The following UGT2A1 variants were observed in gnomAD, a reference collection of about 807,000 sequenced individuals.
The protein encoded by UGT2A1 is UDP glucuronosyltransferase family 2 member A1 complex locus.
In UGT2A1, 61 loss-of-function variants were observed where a neutral mutation model predicts 45.4. The observed-to-expected ratio is 1.34, with a 90% CI of 1.09 to 1.66. The LOEUF (loss-of-function observed/expected upper bound fraction) is 1.66. UGT2A1 is among the 40% of genes most tolerant of loss of function. The pLI, the probability that UGT2A1 is intolerant of heterozygous loss-of-function variation, is 0.00. For missense variants in UGT2A1, 649 were observed against 574.3 expected (o/e 1.13, Z -1.33); for synonymous variants, 229 against 196.2 (o/e 1.17, Z -1.40).
chr4:69,636,239 T>G (rs534648538), intron 2 of UGT2A1, among the ~76,000 whole-genome samples: 1 of 152,248 alleles, frequency 6.6e-6, no homozygotes, highest in South Asian at 2.1e-4. Flanking sequence ...CCACAAAAAT[T>G]TGACATGTTG....
chr4:69,640,401 C>T (rs1054519521), intron 2 of UGT2A1, among the ~76,000 whole-genome samples: 4 of 151,812 alleles, frequency 2.6e-5, no homozygotes, highest in African/African-American at 4.8e-5. Context: ...GTAATGTTAG[C>T]GGTTTAATAA....
At position 69,642,134 on chromosome 4, in the gene UGT2A1, C is replaced by T. The variant is rs567137108; in HGVS notation, c.715+4796G>A. ...AATTATTTATTTTAAGAAATATATG[C>T]ATATAAAACTCAAGATTATATCCAC... On this transcript the variant is annotated intron_variant, in intron 2 of 6. Transcript: ENST00000286604. Among the ~76,000 whole-genome samples the T allele has an allele frequency of 4.6e-5, 7 of 151,838 alleles. No homozygotes were observed. The South Asian group carries it at 1.5e-3, about 32-fold the overall frequency.
At chr4:69,601,633 A>G (rs1189636556) in intron 3 of UGT2A1, among the ~76,000 whole-genome samples, 3 of 152,094 alleles carry the variant, frequency 2.0e-5, no homozygotes, top group Admixed American at 6.6e-5. Flanking sequence ...CCAGTACGTT[A>G]CTACCACAGC....
intron 3 of UGT2A1, among the ~76,000 whole-genome samples, chr4:69,602,321 A>G (rs1300276347): frequency 7.3e-6 from 1 of 137,520 alleles, no homozygotes; most frequent in Non-Finnish European, 1.6e-5. Context: ...ATCAAATGTA[A>G]CCTTTATGTT....
chr4:69,639,333 C>T, intron 2 of UGT2A1: 1 of 1,613,630 alleles, frequency 6.2e-7, no homozygotes. Context: ...ATGGTCAATC[C>T]ACAGCATTAT....
At chr4:69,652,809 A>T (rs988953680) in intron 1 of UGT2A1, among the ~76,000 whole-genome samples, 1 of 152,132 alleles carries the variant, frequency 6.6e-6, no homozygotes, top group Admixed American at 6.6e-5. Flanking sequence ...TCTTCACCAT[A>T]TATCAGTATA....
At chr4:69,652,285 T>C (rs1722563320) in intron 1 of UGT2A1, among the ~76,000 whole-genome samples, 1 of 149,274 alleles carries the variant, frequency 6.7e-6, no homozygotes. Context: ...TTATGTCCTT[T>C]TTTTTTTTTT....
intron 6 of UGT2A1, 144 bp downstream of exon 6, chr4:69,594,333 T>A (rs975996592): frequency 7.0e-6 from 8 of 1,142,422 alleles, no homozygotes; most frequent in African/African-American, 1.6e-5. Context: ...CTTTAGCAGT[T>A]TGGCAAATAA....
At chr4:69,634,117 C>A (rs1397681597) in intron 3 of UGT2A1, among the ~76,000 whole-genome samples, 4 of 151,890 alleles carry the variant, frequency 2.6e-5, no homozygotes, top group Non-Finnish European at 5.9e-5. Context: ...TGGTGACCGG[C>A]GCCTGTAGTC....
intron 3 of UGT2A1, among the ~76,000 whole-genome samples, chr4:69,610,246 C>CAAA (rs4148316): frequency 6.6e-6 from 1 of 151,172 alleles, no homozygotes; most frequent in African/African-American, 2.4e-5. Context: ...TCTGCCATTA[C>CAAA]AAAAAAAAAG....
At chr4:69,615,149 A>G in intron 3 of UGT2A1, among the ~76,000 whole-genome samples, 1 of 152,016 alleles carries the variant, frequency 6.6e-6, no homozygotes, top group Non-Finnish European at 1.5e-5. Context: ...AGGACACAGG[A>G]GACAAACCAT....
chr4:69,651,231 T>G, intron 1 of UGT2A1, among the ~76,000 whole-genome samples: 1 of 152,178 alleles, frequency 6.6e-6, no homozygotes, highest in East Asian at 1.9e-4. Flanking sequence ...AGTAAAAAGA[T>G]TTGGCCTAAA....
At chr4:69,652,914 G>A (rs1243123061) in intron 1 of UGT2A1, among the ~76,000 whole-genome samples, 1 of 152,128 alleles carries the variant, frequency 6.6e-6, no homozygotes, top group Non-Finnish European at 1.5e-5. Flanking sequence ...TCCCTAAAGA[G>A]GACTTTGAGT....
At chr4:69,602,280 C>A (rs1241543661) in intron 3 of UGT2A1, among the ~76,000 whole-genome samples, 2 of 136,404 alleles carry the variant, frequency 1.5e-5, no homozygotes, top group Non-Finnish European at 3.1e-5. Context: ...TTTCTTTACA[C>A]CAACAAAGGC....
rs1030198018 is a variant in UGT2A1, at chr4:69,594,766, G to A, written c.1085-70C>T. ...ATTAGCAGAATTTGAGAGACAGAAG[G>A]GGTCAAAAAGCTGTAATGTAACTCT... On this transcript the variant is annotated intron_variant, in intron 5 of 6. Transcript: ENST00000286604. The A allele has an allele frequency of 6.0e-6, 9 of 1,511,818 alleles. No individual in the cohort carries two copies. In the African/African-American group the frequency reaches 1.1e-4, roughly 19 times the overall value. 93.7% of individuals were successfully genotyped at this position (1,511,818 alleles called of 1,614,324 possible). A position where few individuals can be genotyped will look rare whatever the true frequency, so the allele number is the denominator to read the frequency against.
intron 3 of UGT2A1, among the ~76,000 whole-genome samples, chr4:69,634,510 T>G (rs1721569551): frequency 6.6e-6 from 1 of 152,082 alleles, no homozygotes; most frequent in Non-Finnish European, 1.5e-5. Context: ...TTGTGATTAA[T>G]CTAGTTTAGT....
Position 69,605,090 on chromosome 4 carries a change from T to C in UGT2A1, c.848-5696A>G, listed in dbSNP as rs1014482072. On this transcript the variant is annotated intron_variant, in intron 3 of 6. Coordinates refer to ENST00000286604, the MANE Select transcript of UGT2A1 (RefSeq NM_001252275.3). ...GTAGACCTAATACACATCTACAGAA[T>C]TATCCACCCCAAATCAACAGAATAT... is the stretch of plus-strand genomic sequence containing the variant. Among the ~76,000 whole-genome samples the C allele has an allele frequency of 1.1e-4, 15 of 136,510 alleles. 3 individuals are homozygous for C. The highest frequency in any genetic ancestry group is 1.7e-4 in the Non-Finnish European group (11 of 64,174). 89.6% of individuals were successfully genotyped at this position (136,510 alleles called of 152,430 possible).
chr4:69,649,684 A>C (rs1171982588), intron 1 of UGT2A1, among the ~76,000 whole-genome samples: 2 of 152,092 alleles, frequency 1.3e-5, no homozygotes, highest in East Asian at 1.9e-4. Flanking sequence ...CCAGCAAAAG[A>C]CATATACATA....
chr4:69,623,784 A>G (rs956881667), intron 3 of UGT2A1, among the ~76,000 whole-genome samples: 7 of 151,522 alleles, frequency 4.6e-5, no homozygotes, highest in Admixed American at 1.3e-4. Context: ...CTTTGAGATA[A>G]AGGTAGAAAA....
Sources: gnomAD v4.1 joint callset for allele counts (sites outside exome capture counted in the v4.1 genomes callset) on GRCh38, gnomAD v4.1.1 for gene constraint, MANE v1.5 for transcripts, NCBI Gene and HGNC (gene_info 2026-07-23, HGNC 2026-07-21) for gene names.